Variants in ABCC9 observed in about 807,000 individuals in gnomAD.
ABCC9 encodes the protein ATP-binding cassette sub-family C member 9.
ABCC9 carries 95 observed loss-of-function variants against 188.3 expected under a neutral mutation model. That is an observed-to-expected ratio of 0.50 (90% CI 0.43 to 0.60). ABCC9 has a LOEUF of 0.60. Ranked by LOEUF, ABCC9 falls within the 20% of genes least tolerant of loss-of-function variation. The pLI, the probability that ABCC9 is intolerant of heterozygous loss-of-function variation, is 0.00. For synonymous variants in ABCC9, 659 were observed against 652.7 expected (o/e 1.01, Z -0.15); for missense variants, 1,102 against 1,876.3 (o/e 0.59, Z 7.62).
chr12:21,839,263 T>C (rs1944258357), intron 29 of ABCC9, among the ~76,000 whole-genome samples: 1 of 152,324 alleles, frequency 6.6e-6, no homozygotes. Context: ...TGATGATCAA[T>C]TAGTTTTCAC....
chr12:21,891,376 G>T (rs775000426), intron 14 of ABCC9, among the ~76,000 whole-genome samples: 1 of 146,434 alleles, frequency 6.8e-6, no homozygotes, highest in Non-Finnish European at 1.5e-5. Flanking sequence ...TTAGATAATA[G>T]TTACTTTTCA....
chr12:21,931,054 T>G (rs143541098), intron 4 of ABCC9, among the ~76,000 whole-genome samples: 3 of 152,300 alleles, frequency 2.0e-5, no homozygotes, highest in African/African-American at 7.2e-5. Flanking sequence ...ACATTTAAAT[T>G]TAAAAATTAA....
chr12:21,937,868 C>G (rs1484856763), intron 2 of ABCC9: 1 of 152,124 alleles, frequency 6.6e-6, no homozygotes, highest in Non-Finnish European at 1.5e-5. Flanking sequence ...CTCCAACCTG[C>G]TTTTTAAAGA....
chr12:21,900,633 A>G (rs1486738607), intron 12 of ABCC9, among the ~76,000 whole-genome samples: 1 of 152,214 alleles, frequency 6.6e-6, no homozygotes, highest in South Asian at 2.1e-4. Context: ...ATGGATCTGA[A>G]AACCATGGCA....
At chr12:21,804,699 A>C (rs1414773403) in intron 39 of ABCC9, among the ~76,000 whole-genome samples, 1 of 152,174 alleles carries the variant, frequency 6.6e-6, no homozygotes, top group Non-Finnish European at 1.5e-5. Context: ...ATCTTGAAAA[A>C]AGCTGCACTC....
In ABCC9 at chr12:21,845,714, G is replaced by C; in HGVS notation, c.2985C>G (p.Ile995Met). The change falls in exon 26 of 40, where the codon ATC becomes ATG. Residue 995 changes from isoleucine to methionine, a missense_variant. Ile to Met is a conservative substitution (Grantham distance 10). Transcript: ENST00000261200. Reference sequence around the variant, plus strand: ...TCAAAAGCTTAGAGAAAATCATCAGGATGAGCAGGAAGAATCCTCCAGATG... The same window carrying C: ...TCAAAAGCTTAGAGAAAATCATCAGCATGAGCAGGAAGAATCCTCCAGATG... ...YLTSGGFFLL[I>M]LMIFSKLLKH... 6.2e-7 allele frequency: 1 copy of C among 1,613,864 alleles called. No individual in the cohort carries two copies. The highest frequency in any genetic ancestry group is 1.1e-5 in the South Asian group (1 of 91,074).
intron 16 of ABCC9, 81 bp downstream of exon 16, chr12:21,882,685 G>C: frequency 8.0e-7 from 1 of 1,243,084 alleles, no homozygotes; most frequent in African/African-American, 1.5e-5. Flanking sequence ...GGCACAATTT[G>C]GGACACTTTC....
In ABCC9 at chr12:21,878,868, C is replaced by T. The variant is rs1338110775; in HGVS notation, c.2020-3142G>A. On this transcript the variant is annotated intron_variant, in intron 16 of 39. Transcript: ENST00000261200. ...CTGCTGCCATTTACACTTCCATTCC[C>T]TCCTGCCTTTTACAAAATGCACTAA... Among the ~76,000 whole-genome samples, 4 of 152,244 alleles carry T rather than the reference C, an allele frequency of 2.6e-5. No homozygotes were observed. The East Asian group carries it at 5.8e-4, about 22-fold the overall frequency.
At chr12:21,814,826 T>C in intron 34 of ABCC9, 104 bp from the exon 35 acceptor site, 1 of 859,522 alleles carries the variant, frequency 1.2e-6, no homozygotes, top group East Asian at 2.7e-5. Flanking sequence ...AAACTGTAAT[T>C]ATGTTTAAAT....
intron 4 of ABCC9, among the ~76,000 whole-genome samples, chr12:21,927,628 G>A (rs1361302634): frequency 2.6e-5 from 4 of 152,168 alleles, no homozygotes; most frequent in African/African-American, 9.7e-5. Context: ...TTAAGAGGAT[G>A]AGCAGATTGG....
At chr12:21,832,343 ACT>A (rs1223498196) in intron 30 of ABCC9, among the ~76,000 whole-genome samples, 1 of 152,126 alleles carries the variant, frequency 6.6e-6, no homozygotes, top group African/African-American at 2.4e-5. Flanking sequence ...AGAGTTCAAG[ACT>A]CTGGGGACTC....
intron 5 of ABCC9, among the ~76,000 whole-genome samples, chr12:21,917,412 A>C (rs1948645295): frequency 6.6e-6 from 1 of 152,166 alleles, no homozygotes; most frequent in Non-Finnish European, 1.5e-5. Flanking sequence ...ATAAATTTTA[A>C]AAAGTAGCTT....
At chr12:21,837,974 T>C in intron 30 of ABCC9, 104 bp downstream of exon 30, 1 of 969,122 alleles carries the variant, frequency 1.0e-6, no homozygotes, top group Admixed American at 2.0e-5. Flanking sequence ...AGGCACACAA[T>C]GGGGAGATCA....
chr12:21,887,814 T>C lies in ABCC9; in HGVS notation c.1911+12A>G, dbSNP rs760564480. On this transcript the variant is annotated intron_variant, in intron 15 of 39. Coordinates refer to ENST00000261200, the MANE Select transcript of ABCC9 (RefSeq NM_020297.4). ...CTATTCACAACTTCCAAAACAAAAA[T>C]AAAGCACTTACAACTCCAGTGTGCT... 1 of 1,575,422 alleles carries C rather than the reference T, an allele frequency of 6.3e-7. No homozygotes were observed. Among genetic ancestry groups the C allele is most frequent in the East Asian group, 2.2e-5 (1 of 44,706 alleles).
At chr12:21,876,464 T>C (rs1592129973) in intron 16 of ABCC9, among the ~76,000 whole-genome samples, 1 of 152,150 alleles carries the variant, frequency 6.6e-6, no homozygotes, top group East Asian at 1.9e-4. Flanking sequence ...TCCTGAACTG[T>C]GTAGGCCAAC....
rs1949594481 is a variant in ABCC9 at position 21,938,894 on chromosome 12, C to T, written c.-21+1816G>A. Among the ~76,000 whole-genome samples the T allele has an allele frequency of 3.3e-5, 5 of 152,204 alleles. No individual in the cohort carries two copies. The South Asian group carries it at 1.0e-3, about 32-fold the overall frequency. Reference sequence around the variant, plus strand: ...TACAATCACCTGAAAAATTTAAGAACATTTTCAGACATACACCAGATATCT... The same window carrying T: ...TACAATCACCTGAAAAATTTAAGAATATTTTCAGACATACACCAGATATCT... On this transcript the variant is annotated intron_variant, in intron 2 of 39. Coordinates refer to ENST00000261200, the MANE Select transcript of ABCC9 (RefSeq NM_020297.4).
At chr12:21,819,116 G>A (rs1276591643) in intron 31 of ABCC9, among the ~76,000 whole-genome samples, 3 of 151,948 alleles carry the variant, frequency 2.0e-5, no homozygotes, top group Admixed American at 1.3e-4. Context: ...ATTTCCTAAC[G>A]CTTTCTTTTT....
At chr12:21,809,542 A>C (rs1489303594) in intron 37 of ABCC9, among the ~76,000 whole-genome samples, 1 of 152,142 alleles carries the variant, frequency 6.6e-6, no homozygotes, top group Non-Finnish European at 1.5e-5. Context: ...TCAACTGAGA[A>C]AGAGTAACTA....
chr12:21,918,531 A>G (rs1948687505), intron 5 of ABCC9, among the ~76,000 whole-genome samples: 2 of 152,186 alleles, frequency 1.3e-5, no homozygotes, highest in Admixed American at 6.6e-5. Context: ...AAAATCAAGA[A>G]CAGTCAGACT....
Sources: allele counts gnomAD v4.1 joint callset (sites outside exome capture counted in the v4.1 genomes callset), GRCh38; gene constraint gnomAD v4.1.1; transcripts MANE v1.5; gene names NCBI Gene and HGNC (gene_info 2026-07-23, HGNC 2026-07-21).